Variants in ASIC2 observed in about 807,000 individuals in gnomAD.
The protein encoded by ASIC2 is acid-sensing ion channel 2.
In ASIC2, 25 loss-of-function variants were observed where a neutral mutation model predicts 57.3. The observed-to-expected ratio is 0.44, with a 90% CI of 0.32 to 0.61. The LOEUF (loss-of-function observed/expected upper bound fraction) is 0.61, where lower values mean the gene tolerates loss of function less well. Among genes scored for constraint, ASIC2 ranks in the 20% least tolerant of loss-of-function variants. The pLI is 0.06. For synonymous variants in ASIC2, 319 were observed against 307.5 expected, an observed-to-expected ratio of 1.04 and a Z score of -0.39; for missense variants, 641 against 738.1, an observed-to-expected ratio of 0.87 and a Z score of 1.52.
chr17:33,470,386 C>T (rs1913008106), intron 1 of ASIC2, among the ~76,000 whole-genome samples: 1 of 152,158 alleles, frequency 6.6e-6, no homozygotes, highest in South Asian at 2.1e-4. Context: ...AGTGATAAAG[C>T]CCCCAGGTGA....
chr17:33,377,616 T>C (rs769055056), intron 1 of ASIC2, among the ~76,000 whole-genome samples: 8 of 152,234 alleles, frequency 5.3e-5, no homozygotes, highest in Non-Finnish European at 7.3e-5. Context: ...TTCTGCAACT[T>C]GTCCATTTTC....
At chr17:33,916,629 T>C (rs1025119062) in intron 1 of ASIC2, among the ~76,000 whole-genome samples, 5 of 152,196 alleles carry the variant, frequency 3.3e-5, no homozygotes, top group African/African-American at 1.2e-4. Context: ...AAATCAAGAC[T>C]CTCTTCTTAG....
chr17:33,907,084 G>A (rs1305117703), intron 1 of ASIC2, among the ~76,000 whole-genome samples: 1 of 152,122 alleles, frequency 6.6e-6, no homozygotes, highest in Non-Finnish European at 1.5e-5. Flanking sequence ...TGGGAGAGGG[G>A]GCTGGCTAAG....
chr17:33,640,330 T>G (rs1449660406), intron 1 of ASIC2, among the ~76,000 whole-genome samples: 1 of 152,188 alleles, frequency 6.6e-6, no homozygotes, highest in Non-Finnish European at 1.5e-5. Flanking sequence ...AGAGATTTTC[T>G]TTGAATTAAG....
intron 1 of ASIC2, among the ~76,000 whole-genome samples, chr17:33,373,735 T>A (rs1909172457): frequency 6.6e-6 from 1 of 152,168 alleles, no homozygotes; most frequent in African/African-American, 2.4e-5. Flanking sequence ...TGGAGTACAG[T>A]GGCGTGATCT....
At chr17:33,315,940 T>C (rs910298849) in intron 1 of ASIC2, among the ~76,000 whole-genome samples, 2 of 152,188 alleles carry the variant, frequency 1.3e-5, no homozygotes, top group African/African-American at 4.8e-5. Flanking sequence ...TCACTGAGCC[T>C]TATTTTCCTC....
intron 1 of ASIC2, among the ~76,000 whole-genome samples, chr17:33,841,085 C>T (rs1913423696): frequency 6.6e-6 from 1 of 152,174 alleles, no homozygotes; most frequent in Admixed American, 6.5e-5. Flanking sequence ...GAGACACAAT[C>T]CTTTTCTCAA....
At chr17:33,782,324 G>T (rs1390608037) in intron 1 of ASIC2, among the ~76,000 whole-genome samples, 1 of 144,528 alleles carries the variant, frequency 6.9e-6, no homozygotes, top group Non-Finnish European at 1.5e-5. Flanking sequence ...CTTTGAATTA[G>T]TTTTTGTAAA....
At chr17:33,978,714 G>T (rs537193155) in intron 1 of ASIC2, among the ~76,000 whole-genome samples, 10 of 152,278 alleles carry the variant, frequency 6.6e-5, no homozygotes, top group African/African-American at 2.4e-4. Context: ...GGCCCTCTGT[G>T]CTAGGCCTAC....
chr17:33,636,652 A>G (rs910734157), intron 1 of ASIC2, among the ~76,000 whole-genome samples: 8 of 152,094 alleles, frequency 5.3e-5, no homozygotes, highest in Non-Finnish European at 1.0e-4. Context: ...TATTAACTGA[A>G]ATTTTCTCAA....
chr17:33,596,217 C>T (rs543909373), intron 1 of ASIC2, among the ~76,000 whole-genome samples: 1 of 152,192 alleles, frequency 6.6e-6, no homozygotes, highest in African/African-American at 2.4e-5. Context: ...CTTCCTCTCT[C>T]TCTTCTCCTT....
chr17:34,105,572 C>A (rs944588782), intron 1 of ASIC2, among the ~76,000 whole-genome samples: 2 of 147,720 alleles, frequency 1.4e-5, no homozygotes, highest in Admixed American at 1.4e-4. Context: ...TATAAACATT[C>A]AAACTTAACA....
intron 1 of ASIC2, chr17:33,828,276 T>G (rs2141898565): frequency 6.6e-6 from 1 of 152,304 alleles, no homozygotes; most frequent in East Asian, 1.9e-4. Flanking sequence ...ATCCCTTCAT[T>G]TACATATAGT....
At chr17:33,436,836 A>C (rs189343706) in intron 1 of ASIC2, among the ~76,000 whole-genome samples, 2 of 147,596 alleles carry the variant, frequency 1.4e-5, no homozygotes, top group East Asian at 4.0e-4. Flanking sequence ...GCAATGCCTT[A>C]AAACACATTC....
chr17:33,701,378 G>A (rs1053103180), intron 1 of ASIC2, among the ~76,000 whole-genome samples: 11 of 152,060 alleles, frequency 7.2e-5, no homozygotes, highest in Non-Finnish European at 1.3e-4. Flanking sequence ...CAGCCATACC[G>A]GACTACAATC....
chr17:34,078,772 A>G (rs1909767109), intron 1 of ASIC2: 1 of 152,264 alleles, frequency 6.6e-6, no homozygotes, highest in Non-Finnish European at 1.5e-5. Flanking sequence ...TCTGTGGCCA[A>G]AGGCACCCCT....
chr17:33,186,016 T>C (rs1597620756), intron 1 of ASIC2, among the ~76,000 whole-genome samples: 3 of 152,332 alleles, frequency 2.0e-5, no homozygotes, highest in Admixed American at 6.5e-5. Context: ...AATATCTTAT[T>C]AGGTGAGTGC....
At chr17:33,905,390 T>G (rs1229203202) in intron 1 of ASIC2, among the ~76,000 whole-genome samples, 1 of 152,150 alleles carries the variant, frequency 6.6e-6, no homozygotes, top group East Asian at 1.9e-4. Flanking sequence ...GAAATTATGA[T>G]TTCAGACAAC....
intron 1 of ASIC2, among the ~76,000 whole-genome samples, chr17:33,317,096 C>T (rs948844988): frequency 1.3e-5 from 2 of 152,238 alleles, no homozygotes; most frequent in Admixed American, 6.5e-5. Context: ...ACTAACCATG[C>T]CACTTGCCTT....
Sources: allele counts gnomAD v4.1 joint callset (sites outside exome capture counted in the v4.1 genomes callset), GRCh38; gene constraint gnomAD v4.1.1; transcripts MANE v1.5; gene names NCBI Gene and HGNC (gene_info 2026-07-23, HGNC 2026-07-21).